Variants in EVI5L observed in about 807,000 individuals in gnomAD.
EVI5L encodes ecotropic viral integration site 5 like.
In EVI5L, 30 loss-of-function variants were observed where a neutral mutation model predicts 106.1. The observed-to-expected ratio is 0.28, with a 90% CI of 0.21 to 0.38. EVI5L has a LOEUF of 0.38. EVI5L is among the 10% of genes least tolerant of loss of function. EVI5L has a pLI of 1.00. For synonymous variants in EVI5L, 489 were observed against 483.3 expected (o/e 1.01, Z -0.15); for missense variants, 809 against 1,098.0 (o/e 0.74, Z 3.72).
rs932460134 is a variant in EVI5L at position 7,861,954 on chromosome 19, G to A, written c.1580G>A (p.Gly527Asp). Residue 527 changes from glycine (G) to aspartate (D), a missense_variant, in exon 15 of 20, where the codon GGC becomes GAC. Physicochemically the swap from Gly to Asp is moderately conservative, Grantham distance 94 (BLOSUM62 -1). Coordinates refer to ENST00000538904, the MANE Select transcript of EVI5L (RefSeq NM_001159944.3). ...EELKALKVRE[G>D]QAVASTRELK... The stretch of plus-strand genomic sequence containing the variant: ...CTGAAGGCGCTCAAGGTGCGGGAAG[G>A]CCAGGCGGTGGCCTCGACGCGAGAG... 2 of 1,549,966 alleles carry A rather than the reference G, an allele frequency of 1.3e-6. No individual in the cohort carries two copies.
At chr19:7,830,562 C>A (rs1291734127) in intron 1 of EVI5L, among the ~76,000 whole-genome samples, 181 bp downstream of exon 1, 1 of 150,822 alleles carries the variant, frequency 6.6e-6, no homozygotes, top group East Asian at 2.0e-4. Context: ...ACCCTCGTTG[C>A]CGATCCCTCC....
intron 1 of EVI5L, among the ~76,000 whole-genome samples, chr19:7,842,511 A>G (rs1250144308): frequency 2.0e-5 from 3 of 148,212 alleles, no homozygotes; most frequent in East Asian, 2.0e-4. Context: ...TGTGTGTATC[A>G]AGTGTGTGCA....
In EVI5L at chr19:7,835,337, G is replaced by A. The variant is rs552753118; in HGVS notation, c.-48+4956G>A. ...AGCTTGGTTAACACAGTGAAACCCC[G>A]TCTCTACTAAAAATACAAAAATTAG... On this transcript the variant is annotated intron_variant, in intron 1 of 19. Coordinates refer to ENST00000538904, the MANE Select transcript of EVI5L (RefSeq NM_001159944.3). The surrounding 1 kb of genome is among the most constrained non-coding windows in gnomAD (Gnocchi z 4.1). Among the ~76,000 whole-genome samples the A allele has an allele frequency of 2.6e-4, 40 of 151,616 alleles. No individual in the cohort carries two copies. Among genetic ancestry groups the A allele is most frequent in the African/African-American group, 9.2e-4 (38 of 41,294 alleles).
Position 7,863,933 on chromosome 19 carries a change from T to G in EVI5L, c.*231T>G. On this transcript the variant is annotated 3_prime_UTR_variant, in exon 20 of 20. Coordinates refer to ENST00000538904, the MANE Select transcript of EVI5L (RefSeq NM_001159944.3). The surrounding 1 kb of genome is among the most constrained non-coding windows in gnomAD (Gnocchi z 7.7). ...AGCAGTGTTTACCCATCTTGGTCTG[T>G]ACCCCTCCGGGCCCTCTGGCGTTCC... The G allele has an allele frequency of 3.7e-6, 2 of 543,542 alleles. No individual in the cohort carries two copies. Among genetic ancestry groups the G allele is most frequent in the Non-Finnish European group, 3.0e-6 (1 of 328,078 alleles). The allele number at this position is 543,542 out of a possible 1,614,324, so 33.7% of individuals were successfully genotyped here.
At chr19:7,855,955 G>C (rs1480940970) in intron 10 of EVI5L, 60 bp from the exon 11 acceptor site, 1 of 1,307,328 alleles carries the variant, frequency 7.6e-7, no homozygotes, top group Non-Finnish European at 9.8e-7. Flanking sequence ...GGTAAATGAG[G>C]GGTGCATGTA....
At chr19:7,862,085 G>A (rs1285779392) in intron 15 of EVI5L, 37 bp from the exon 16 acceptor site, 1 of 1,547,898 alleles carries the variant, frequency 6.5e-7, no homozygotes. Context: ...GTTCTTGGGC[G>A]GAGGCTGACC....
intron 1 of EVI5L, among the ~76,000 whole-genome samples, chr19:7,839,388 CAGG>C (rs1383643556): frequency 6.6e-6 from 1 of 151,922 alleles, no homozygotes; most frequent in Non-Finnish European, 1.5e-5. Context: ...TGGCAGACAT[CAGG>C]AGACCCATGT....
At position 7,851,021 on chromosome 19, in the gene EVI5L, T is replaced by TG. The variant is rs5826986; in HGVS notation, c.754-403dup. Among the ~76,000 whole-genome samples, 1,115 of 148,184 alleles carry TG rather than the reference T, an allele frequency of 7.5e-3. 5 individuals carry two copies. Among genetic ancestry groups the TG allele is most frequent in the African/African-American group, 0.02 (807 of 40,130 alleles). ...GTGGCTGGCAGGTCACGTAACAAGG[T>TG]GGGGGGGGGGCTCCCCCCAGGGCCA... On this transcript the variant is annotated intron_variant, in intron 6 of 19. Transcript: ENST00000538904.
At chr19:7,836,898 G>A (rs1978365826) in intron 1 of EVI5L, among the ~76,000 whole-genome samples, 1 of 149,930 alleles carries the variant, frequency 6.7e-6, no homozygotes, top group Admixed American at 6.7e-5. Flanking sequence ...CTCCCACAGT[G>A]CTGGGATTAC....
At chr19:7,839,320 C>A (rs1297864623) in intron 1 of EVI5L, among the ~76,000 whole-genome samples, 1 of 151,376 alleles carries the variant, frequency 6.6e-6, no homozygotes, top group Non-Finnish European at 1.5e-5. Context: ...AAAAAAAATC[C>A]AAACCGGGTC....
In EVI5L at chr19:7,857,176, C is replaced by T; in HGVS notation, c.1233+52C>T. The T allele has an allele frequency of 1.3e-6, 2 of 1,546,298 alleles. No individual in the cohort carries two copies. The highest frequency in any genetic ancestry group is 1.2e-5 in the South Asian group (1 of 83,920). On this transcript the variant is annotated intron_variant, in intron 12 of 19. Transcript: ENST00000538904. This position sits in a 1 kb window ranked among gnomAD's most constrained non-coding sequence, Gnocchi z 4.5. ...GGATTCCTTCCTGGCCCCTTCCCTG[C>T]ACCCTGCACATGACAGCCAGTAACC...
intron 17 of EVI5L, 38 bp from the exon 18 acceptor site, chr19:7,862,933 CT>C: frequency 7.2e-7 from 1 of 1,394,324 alleles, no homozygotes; most frequent in Non-Finnish European, 9.7e-7. Flanking sequence ...GCCGCGCCCC[CT>C]GACCCGCCCT....
In EVI5L at chr19:7,862,028, G is replaced by T; in HGVS notation, c.1644+10G>T. The T allele has an allele frequency of 6.5e-7, 1 of 1,542,584 alleles. No homozygotes were observed. Among genetic ancestry groups the T allele is most frequent in the South Asian group, 1.2e-5 (1 of 83,550 alleles). On this transcript the variant is annotated intron_variant, in intron 15 of 19. Transcript: ENST00000538904. Reference sequence around the variant, plus strand: ...CTCGGACACCTGGCAGGTGAGGGCCGGGTGGGCGCCGGCGGGCAGAGCGCC... The same window carrying T: ...CTCGGACACCTGGCAGGTGAGGGCCTGGTGGGCGCCGGCGGGCAGAGCGCC...
At chr19:7,833,046 G>A (rs576557437) in intron 1 of EVI5L, among the ~76,000 whole-genome samples, 1 of 152,130 alleles carries the variant, frequency 6.6e-6, no homozygotes, top group Non-Finnish European at 1.5e-5. Context: ...GGGTATGAAG[G>A]CTTCCCAGGA....
intron 5 of EVI5L, among the ~76,000 whole-genome samples, chr19:7,849,714 A>G (rs577242717): frequency 6.6e-6 from 1 of 152,158 alleles, no homozygotes; most frequent in African/African-American, 2.4e-5. Context: ...CAGCTGGGAC[A>G]GGAGGTATCC....
intron 1 of EVI5L, among the ~76,000 whole-genome samples, chr19:7,840,635 CT>C (rs1448722487): frequency 6.6e-6 from 1 of 152,156 alleles, no homozygotes; most frequent in Admixed American, 6.6e-5. Flanking sequence ...CTCCCTCCCC[CT>C]GGCCCCTGGT....
chr19:7,844,215 G>T (rs1978843969), intron 1 of EVI5L, among the ~76,000 whole-genome samples: 1 of 151,754 alleles, frequency 6.6e-6, no homozygotes, highest in Admixed American at 6.6e-5. Context: ...GCTGGGCGTG[G>T]TGGCACGCAC....
intron 1 of EVI5L, among the ~76,000 whole-genome samples, chr19:7,842,909 C>A (rs1218483798): frequency 6.6e-6 from 1 of 151,062 alleles, no homozygotes; most frequent in East Asian, 2.0e-4. Flanking sequence ...TGAGTGTGTG[C>A]ATGTGTGTGT....
chr19:7,833,473 G>C (rs1456889386), intron 1 of EVI5L, among the ~76,000 whole-genome samples: 1 of 152,270 alleles, frequency 6.6e-6, no homozygotes, highest in Non-Finnish European at 1.5e-5. Flanking sequence ...CGGGGAGCAT[G>C]AGACAGAATT....
Sources: allele counts gnomAD v4.1 joint callset (sites outside exome capture counted in the v4.1 genomes callset), GRCh38; gene constraint gnomAD v4.1.1; non-coding constraint Gnocchi (gnomAD v3.1); transcripts MANE v1.5; gene names NCBI Gene and HGNC (gene_info 2026-07-23, HGNC 2026-07-21).